CACNA1B: variants seen among roughly 807,000 people sequenced by gnomAD.
CACNA1B encodes calcium voltage-gated channel subunit alpha1 B.
In CACNA1B, 70 loss-of-function variants were observed where a neutral mutation model predicts 247.2. That is an observed-to-expected ratio of 0.28 (90% CI 0.23 to 0.35). CACNA1B has a LOEUF of 0.35. CACNA1B is among the 10% of genes least tolerant of loss of function. CACNA1B has a pLI of 1.00. For synonymous variants in CACNA1B, 1,231 were observed against 1,294.4 expected (o/e 0.95, Z 1.05); for missense variants, 2,367 against 3,197.4 (o/e 0.74, Z 6.26).
chr9:137,915,990 T>G (rs183909831), intron 5 of CACNA1B, among the ~76,000 whole-genome samples: 2 of 152,232 alleles, frequency 1.3e-5, no homozygotes, highest in Non-Finnish European at 2.9e-5. Flanking sequence ...TCCACAAAAT[T>G]TCTCCTATGT....
chr9:138,031,435 T>C (rs910738511), intron 20 of CACNA1B, among the ~76,000 whole-genome samples: 20 of 152,194 alleles, frequency 1.3e-4, no homozygotes, highest in Admixed American at 1.3e-4. Flanking sequence ...GGATGTGGGA[T>C]ATCTTGATGT....
chr9:137,885,400 CT>C (rs1588977745), intron 3 of CACNA1B, among the ~76,000 whole-genome samples: 2 of 152,212 alleles, frequency 1.3e-5, no homozygotes, highest in East Asian at 3.9e-4. Context: ...GAACCCTCAC[CT>C]CACCCCTGTG....
intron 6 of CACNA1B, among the ~76,000 whole-genome samples, chr9:137,926,436 A>G (rs1957552272): frequency 1.3e-5 from 2 of 152,144 alleles, no homozygotes; most frequent in Admixed American, 6.5e-5. Flanking sequence ...TCCTCTGTCA[A>G]TGGACCATTG....
Position 138,052,018 on chromosome 9 carries a change from C to G in CACNA1B, c.3711-74C>G, listed in dbSNP as rs1027649657. On this transcript the variant is annotated intron_variant, in intron 24 of 46. Coordinates refer to ENST00000371372, the MANE Select transcript of CACNA1B (RefSeq NM_000718.4). The surrounding 1 kb of genome is among the most constrained non-coding windows in gnomAD (Gnocchi z 5.1). ...AATGCACAGGGGAGCAGGACTCAGA[C>G]CCTGGGGGGCCACGTGGGAGCTGGG... 4.8e-6 allele frequency: 4 copies of G among 836,978 alleles called. No individual in the cohort carries two copies. The highest frequency in any genetic ancestry group is 2.0e-5 in the Admixed American group (1 of 50,636). The allele number at this position is 836,978 out of a possible 1,614,324, so 51.8% of individuals were successfully genotyped here. A position where few individuals can be genotyped will look rare whatever the true frequency, so the allele number is the denominator to read the frequency against.
intron 6 of CACNA1B, among the ~76,000 whole-genome samples, chr9:137,942,493 T>TA (rs1477259887): frequency 2.6e-5 from 4 of 152,262 alleles, no homozygotes; most frequent in African/African-American, 9.6e-5. Flanking sequence ...AAGAGGAAAA[T>TA]AAGTCATATG....
chr9:137,992,944 CAATG>C (rs1958450029), intron 15 of CACNA1B, among the ~76,000 whole-genome samples: 1 of 152,030 alleles, frequency 6.6e-6, no homozygotes, highest in African/African-American at 2.4e-5. Context: ...TTTGGGTTAA[CAATG>C]AAATCAAGAT....
At chr9:137,991,963 C>T (rs868690610) in intron 15 of CACNA1B, among the ~76,000 whole-genome samples, 1 of 152,066 alleles carries the variant, frequency 6.6e-6, no homozygotes, top group East Asian at 1.9e-4. Flanking sequence ...AAAAAATCTT[C>T]GAAATACACC....
At position 138,114,608 on chromosome 9, in the gene CACNA1B, G is replaced by A. The variant is rs1010642406; in HGVS notation, c.5649+118G>A. On this transcript the variant is annotated intron_variant, in intron 41 of 46. Coordinates refer to ENST00000371372, the MANE Select transcript of CACNA1B (RefSeq NM_000718.4). ...ATTCTTGGAAAAAGTATCTCAGAAGGAAGATGAAAGATTCTTGCAGCTACC... is the reference window on the plus strand; with the variant it reads ...ATTCTTGGAAAAAGTATCTCAGAAGAAAGATGAAAGATTCTTGCAGCTACC... 32 of 617,668 alleles carry A rather than the reference G, an allele frequency of 5.2e-5. 1 individual carries two copies. In the South Asian group the frequency reaches 6.0e-4, roughly 12 times the overall value. The allele number at this position is 617,668 out of a possible 1,614,324, so 38.3% of individuals were successfully genotyped here. A position where few individuals can be genotyped will look rare whatever the true frequency, so the allele number is the denominator to read the frequency against.
intron 21 of CACNA1B, among the ~76,000 whole-genome samples, chr9:138,045,478 T>G (rs1052065500): frequency 6.6e-6 from 1 of 152,032 alleles, no homozygotes; most frequent in African/African-American, 2.4e-5. Context: ...CTACAGAATT[T>G]GGTGATAAAT....
chr9:137,905,120 C>T (rs1484348172), intron 3 of CACNA1B, among the ~76,000 whole-genome samples: 2 of 151,878 alleles, frequency 1.3e-5, no homozygotes, highest in East Asian at 1.9e-4. Flanking sequence ...TTTGGGAGGC[C>T]GAGGCGGGTG....
intron 6 of CACNA1B, among the ~76,000 whole-genome samples, chr9:137,936,736 A>G (rs1034779824): frequency 5.9e-5 from 9 of 152,214 alleles, no homozygotes; most frequent in African/African-American, 2.2e-4. Context: ...TTAAATAGGG[A>G]ATCCTTTCCC....
rs760150282 is a variant in CACNA1B at position 138,046,943 on chromosome 9, C to T, written c.3453C>T (p.Tyr1151=). 8 of 1,613,382 alleles carry T rather than the reference C, an allele frequency of 5.0e-6. 1 individual carries two copies. In the South Asian group the frequency reaches 8.8e-5, roughly 18 times the overall value. ...GCCACTACATCGTGACCATGAGGTA[C>T]TTCGAGGTGGTCATTCTCGTGGTCA... is the stretch of plus-strand genomic sequence containing the variant. ...RFCHYIVTMR[Y]FEVVILVVIA... Residue 1151 remains tyrosine, a synonymous_variant, in exon 22 of 47, where the codon TAC becomes TAT. Transcript: ENST00000371372.
At chr9:137,980,036 C>T (rs1958276037) in intron 12 of CACNA1B, among the ~76,000 whole-genome samples, 1 of 152,230 alleles carries the variant, frequency 6.6e-6, no homozygotes, top group Non-Finnish European at 1.5e-5. Flanking sequence ...CCTCTCACTC[C>T]CTTTGCTTTT....
At chr9:138,120,905 C>T (rs1374402172) in intron 46 of CACNA1B, 24 bp downstream of exon 46, 13 of 1,541,792 alleles carry the variant, frequency 8.4e-6, no homozygotes, top group African/African-American at 2.8e-5. Flanking sequence ...GTGGAGAGGT[C>T]AGGGCCCAGC....
intron 15 of CACNA1B, among the ~76,000 whole-genome samples, chr9:137,989,200 A>G (rs1958402644): frequency 6.6e-6 from 1 of 152,256 alleles, no homozygotes; most frequent in African/African-American, 2.4e-5. Context: ...ACACAAAATT[A>G]TGAAAAAAGG....
intron 15 of CACNA1B, among the ~76,000 whole-genome samples, chr9:138,000,290 G>T (rs926421866): frequency 2.0e-5 from 3 of 152,130 alleles, no homozygotes; most frequent in Middle Eastern, 3.4e-3. Flanking sequence ...AGTAGAGACA[G>T]GGTTTCACCG....
chr9:138,072,065 CAGATTACGGAGCT>C lies in CACNA1B; in HGVS notation c.4675-1421_4675-1409del, dbSNP rs1327048056. On this transcript the variant is annotated intron_variant, in intron 32 of 46. Transcript: ENST00000371372. This position sits in a 1 kb window ranked among gnomAD's most constrained non-coding sequence, Gnocchi z 4.5. ...GGAGATTTTCTTTCCCTGGCACAAG[CAGATTACGGAGCT>C]ACAGGTACACTTGTGCTGCCCTCTG... 6.6e-6 allele frequency among the ~76,000 whole-genome samples: 1 copy of C among 152,108 alleles called. No individual in the cohort carries two copies. The highest frequency in any genetic ancestry group is 1.5e-5 in the Non-Finnish European group (1 of 68,028).
rs538769059 is a variant in CACNA1B, at chr9:138,107,405, A to G, written c.5428+1598A>G. ...GGGATTGCAGGCACCACTCCTCCAT[A>G]CTAGTTTTTGTATATTTTTTAGAGA... On this transcript the variant is annotated intron_variant, in intron 39 of 46. Transcript: ENST00000371372. 7.3e-5 allele frequency among the ~76,000 whole-genome samples: 11 copies of G among 151,616 alleles called. No homozygotes were observed. In the South Asian group the frequency reaches 2.3e-3, roughly 32 times the overall value.
At chr9:138,028,366 G>A (rs754076556) in intron 20 of CACNA1B, among the ~76,000 whole-genome samples, 25 of 152,032 alleles carry the variant, frequency 1.6e-4, no homozygotes, top group Admixed American at 4.6e-4. Context: ...TTATGTGTCC[G>A]CTAAAAATTC....
Sources: gnomAD v4.1 joint callset for allele counts (sites outside exome capture counted in the v4.1 genomes callset) on GRCh38, gnomAD v4.1.1 for gene constraint, Gnocchi (gnomAD v3.1) non-coding constraint, MANE v1.5 for transcripts, NCBI Gene and HGNC (gene_info 2026-07-23, HGNC 2026-07-21) for gene names.